The following ANK3 variants were observed in gnomAD, a reference collection of about 807,000 sequenced individuals.
The protein encoded by ANK3 is ankyrin 3, also known as ankyrin-3.
In ANK3, 57 loss-of-function variants were observed where a neutral mutation model predicts 370.9. That is an observed-to-expected ratio of 0.15 (90% CI 0.12 to 0.19). The LOEUF is 0.19. ANK3 is among the 10% of genes least tolerant of loss of function. ANK3 has a pLI of 1.00. For synonymous variants in ANK3, 1,929 were observed against 1,946.3 expected (o/e 0.99, Z 0.23); for missense variants, 4,439 against 5,302.1 (o/e 0.84, Z 5.06).
At chr10:60,190,304 T>C (rs1040406693) in intron 16 of ANK3, among the ~76,000 whole-genome samples, 7 of 152,316 alleles carry the variant, frequency 4.6e-5, no homozygotes, top group East Asian at 3.9e-4. Context: ...TCATGCCCTA[T>C]TGAGGCTCTG....
chr10:60,312,675 T>C (rs2046600124), intron 1 of ANK3, among the ~76,000 whole-genome samples: 1 of 152,236 alleles, frequency 6.6e-6, no homozygotes, highest in African/African-American at 2.4e-5. Flanking sequence ...TTAACAGGTT[T>C]CGCATCTCCC....
At chr10:60,586,267 A>G (rs145619056) in intron 2 of ANK3, among the ~76,000 whole-genome samples, 100 of 152,266 alleles carry the variant, frequency 6.6e-4, no homozygotes, top group African/African-American at 2.3e-3. Flanking sequence ...TACAGAGAGC[A>G]ATCAGCAGGG....
chr10:60,050,123 C>T (rs1330674085), intron 42 of ANK3, among the ~76,000 whole-genome samples: 1 of 152,136 alleles, frequency 6.6e-6, no homozygotes, highest in Non-Finnish European at 1.5e-5. Context: ...CAGAATCAAG[C>T]ATTCCCCCAC....
intron 5 of ANK3, 134 bp downstream of exon 5, chr10:60,269,997 T>G (rs2097944330): frequency 2.1e-6 from 1 of 467,978 alleles, no homozygotes; most frequent in South Asian, 6.6e-5. Flanking sequence ...GTAATGTATT[T>G]CATAAAACTT....
At chr10:60,126,417 G>A (rs566156791) in intron 25 of ANK3, among the ~76,000 whole-genome samples, 1 of 152,284 alleles carries the variant, frequency 6.6e-6, no homozygotes, top group South Asian at 2.1e-4. Context: ...CAGGTGTGGT[G>A]GCTCACGCCT....
chr10:60,594,074 TA>T (rs948498774), intron 2 of ANK3, among the ~76,000 whole-genome samples: 17 of 152,188 alleles, frequency 1.1e-4, no homozygotes, highest in African/African-American at 3.6e-4. Flanking sequence ...TTTATAGAAC[TA>T]AAACTTATTA....
chr10:60,600,176 G>A (rs1171688701), intron 2 of ANK3, among the ~76,000 whole-genome samples: 2 of 152,248 alleles, frequency 1.3e-5, no homozygotes, highest in African/African-American at 4.8e-5. Context: ...CCAAGTGCTA[G>A]GAGATAGTGA....
intron 7 of ANK3, among the ~76,000 whole-genome samples, chr10:60,245,822 A>G (rs774276772): frequency 1.3e-5 from 2 of 152,226 alleles, no homozygotes; most frequent in Non-Finnish European, 2.9e-5. Context: ...TAGACTGATA[A>G]GAAAACACTC....
intron 1 of ANK3, among the ~76,000 whole-genome samples, chr10:60,335,302 G>T (rs1384524303): frequency 4.0e-5 from 6 of 151,816 alleles, no homozygotes; most frequent in African/African-American, 1.5e-4. Flanking sequence ...TAGAAAAAAA[G>T]TTTTTGTTTT....
At chr10:60,143,119 A>G (rs762318709) in intron 23 of ANK3, among the ~76,000 whole-genome samples, 1 of 152,200 alleles carries the variant, frequency 6.6e-6, no homozygotes, top group Non-Finnish European at 1.5e-5. Flanking sequence ...TAGCATTTAA[A>G]TTGCTACTAT....
intron 1 of ANK3, among the ~76,000 whole-genome samples, chr10:60,716,726 G>T (rs1468030977): frequency 6.6e-6 from 1 of 152,104 alleles, no homozygotes; most frequent in East Asian, 1.9e-4. Context: ...ATGTTGCCCA[G>T]GCTGGTCTCA....
intron 2 of ANK3, among the ~76,000 whole-genome samples, chr10:60,403,023 C>A (rs1030880258): frequency 6.6e-6 from 1 of 151,922 alleles, no homozygotes; most frequent in African/African-American, 2.4e-5. Context: ...ACTATCACTA[C>A]AAAACATATA....
intron 8 of ANK3, among the ~76,000 whole-genome samples, chr10:60,220,926 A>C (rs185963753): frequency 1.3e-5 from 2 of 152,228 alleles, no homozygotes; most frequent in East Asian, 3.9e-4. Context: ...TTTTAGCTGC[A>C]CTCATTCATC....
intron 2 of ANK3, among the ~76,000 whole-genome samples, chr10:60,432,938 A>G (rs2064064528): frequency 6.6e-6 from 1 of 152,126 alleles, no homozygotes; most frequent in Non-Finnish European, 1.5e-5. Context: ...CCACTCCATC[A>G]TCAAGAGTCC....
chr10:60,265,457 GT>G (rs1273072833), intron 5 of ANK3, among the ~76,000 whole-genome samples: 1 of 152,266 alleles, frequency 6.6e-6, no homozygotes, highest in Non-Finnish European at 1.5e-5. Flanking sequence ...AAATTAACTT[GT>G]GGATTACCTA....
rs557650655 is a variant in ANK3, at chr10:60,099,357, T to C, written c.3328+6548A>G. 5.3e-5 allele frequency among the ~76,000 whole-genome samples: 8 copies of C among 152,364 alleles called. No homozygotes were observed. The South Asian group carries it at 1.7e-3, about 32-fold the overall frequency. ...GAGTTGTTATATGCAGTGGGCATAA[T>C]GGCTGTCAACAAGTCAGAGTTGGTC... On this transcript the variant is annotated intron_variant, in intron 28 of 43. Transcript: ENST00000280772.
chr10:60,410,773 C>T (rs1344319107), intron 2 of ANK3, among the ~76,000 whole-genome samples: 2 of 152,140 alleles, frequency 1.3e-5, no homozygotes, highest in African/African-American at 4.8e-5. Flanking sequence ...TCAAGGAATC[C>T]TCCTGTCTTA....
At chr10:60,186,948 A>T (rs1338090756) in intron 16 of ANK3, 36 bp from the exon 17 acceptor site, 1 of 1,597,818 alleles carries the variant, frequency 6.3e-7, no homozygotes, top group Non-Finnish European at 8.6e-7. Context: ...ATGCCCAGGA[A>T]CAAGATAAAA....
At chr10:60,240,074 T>C (rs1363016781) in intron 7 of ANK3, among the ~76,000 whole-genome samples, 1 of 133,350 alleles carries the variant, frequency 7.5e-6, no homozygotes, top group Admixed American at 7.9e-5. Flanking sequence ...TACATATATA[T>C]ACATATATAC....
Sources: allele counts gnomAD v4.1 joint callset (sites outside exome capture counted in the v4.1 genomes callset), GRCh38; gene constraint gnomAD v4.1.1; transcripts MANE v1.5; gene names NCBI Gene and HGNC (gene_info 2026-07-23, HGNC 2026-07-21).